Variants in ADAMTS9 observed in about 807,000 individuals in gnomAD.
The protein encoded by ADAMTS9 is ADAM metallopeptidase with thrombospondin type 1 motif 9.
A neutral mutation model predicts 257.1 loss-of-function variants in ADAMTS9; 107 were observed. The ratio of observed to expected loss-of-function variants is 0.42; its 90% CI spans 0.36 to 0.49. The LOEUF is 0.49. ADAMTS9 is among the 20% of genes least tolerant of loss of function. The probability of loss-of-function intolerance (pLI) is 0.03; values close to 1 mark genes in which losing one functional copy is unlikely to be tolerated. For missense variants in ADAMTS9, 2,353 were observed against 2,469.1 expected (o/e 0.95, Z 1.00); for synonymous variants, 982 against 880.9 (o/e 1.11, Z -2.03).
At chr3:64,676,725 A>T (rs1701633045) in intron 3 of ADAMTS9, among the ~76,000 whole-genome samples, 1 of 152,196 alleles carries the variant, frequency 6.6e-6, no homozygotes, top group Non-Finnish European at 1.5e-5. Flanking sequence ...TATAATAAAC[A>T]ACACTGTACT....
At chr3:64,646,464 A>G (rs1383706022) in intron 11 of ADAMTS9, among the ~76,000 whole-genome samples, 1 of 152,050 alleles carries the variant, frequency 6.6e-6, no homozygotes, top group African/African-American at 2.4e-5. Flanking sequence ...GCAAAGATTC[A>G]CTCTTTGGCC....
At chr3:64,680,893 G>C (rs182103233) in intron 3 of ADAMTS9, among the ~76,000 whole-genome samples, 1 of 152,084 alleles carries the variant, frequency 6.6e-6, no homozygotes. Flanking sequence ...ATTACTCAAG[G>C]TTAAGCCTAA....
intron 2 of ADAMTS9, among the ~76,000 whole-genome samples, chr3:64,681,727 A>G (rs1276259004): frequency 1.3e-5 from 2 of 152,100 alleles, no homozygotes; most frequent in African/African-American, 2.4e-5. Context: ...TACTTTTTGT[A>G]GAGATGGGGG....
At chr3:64,543,468 C>G (rs1157658093) in intron 32 of ADAMTS9, among the ~76,000 whole-genome samples, 2 of 152,166 alleles carry the variant, frequency 1.3e-5, no homozygotes, top group Non-Finnish European at 2.9e-5. Context: ...TCAACATATG[C>G]AAATCAATAA....
intron 28 of ADAMTS9, chr3:64,568,978 C>T (rs1303902958): frequency 6.2e-6 from 1 of 160,556 alleles, no homozygotes; most frequent in Non-Finnish European, 1.4e-5. Flanking sequence ...GAATAAAACT[C>T]TTGAACCATT....
At position 64,539,241 on chromosome 3, in the gene ADAMTS9, T is replaced by C. The variant is rs2083090536; in HGVS notation, c.5575A>G (p.Thr1859Ala). The C allele has an allele frequency of 6.2e-7, 1 of 1,613,906 alleles. No homozygotes were observed. The highest frequency in any genetic ancestry group is 1.7e-5 in the Admixed American group (1 of 59,996). Residue 1859 changes from threonine (T) to alanine (A), a missense_variant, in exon 37 of 40, where the codon ACA (threonine) becomes GCA (alanine). Coordinates refer to ENST00000498707, the MANE Select transcript of ADAMTS9 (RefSeq NM_182920.2). ...TSEGHPVPFA[T>A]AGDCYSAAKC... ...GCAGCGCTGTAGCAATCCCCGGCTG[T>C]GGCAAAAGGGACGGGATGTCCTTCG...
At position 64,596,908 on chromosome 3, in the gene ADAMTS9, C is replaced by A; in HGVS notation, c.4101G>T (p.Val1367=). ...TTTGCTCATCAGGTTTTATTCTCTC[C>A]ACACAGTCGTTTGCGGTGTATCCAT... The part of the protein sequence containing the change: ...DENGYTANDC[V]ERIKPDEQRA... The change falls in exon 27 of 40, where the codon GTG becomes GTT. Residue 1367 remains valine (V), a synonymous_variant. Transcript: ENST00000498707. 1.9e-6 allele frequency: 3 copies of A among 1,614,012 alleles called. No individual in the cohort carries two copies. The highest frequency in any genetic ancestry group is 2.5e-6 in the Non-Finnish European group (3 of 1,179,978).
intron 12 of ADAMTS9, among the ~76,000 whole-genome samples, chr3:64,638,765 T>C (rs1700563676): frequency 1.3e-5 from 2 of 152,152 alleles, no homozygotes; most frequent in South Asian, 2.1e-4. Flanking sequence ...AGGCTACTTA[T>C]CTTTTTTGGC....
At chr3:64,600,211 A>G (rs1180194102) in intron 26 of ADAMTS9, among the ~76,000 whole-genome samples, 1 of 152,104 alleles carries the variant, frequency 6.6e-6, no homozygotes, top group Non-Finnish European at 1.5e-5. Flanking sequence ...CTTTTCTGCC[A>G]TGGAAGGCAG....
chr3:64,674,435 G>A (rs1701575757), intron 3 of ADAMTS9, among the ~76,000 whole-genome samples: 1 of 152,202 alleles, frequency 6.6e-6, no homozygotes, highest in Non-Finnish European at 1.5e-5. Flanking sequence ...CTGTGGACAA[G>A]TTTGTTCACC....
At chr3:64,628,958 G>A (rs1164472942) in intron 16 of ADAMTS9, among the ~76,000 whole-genome samples, 1 of 152,174 alleles carries the variant, frequency 6.6e-6, no homozygotes, top group East Asian at 1.9e-4. Context: ...CTCAGTTGAT[G>A]ACAACTCCAT....
At chr3:64,670,950 A>C (rs561850130) in intron 3 of ADAMTS9, among the ~76,000 whole-genome samples, 1 of 152,230 alleles carries the variant, frequency 6.6e-6, no homozygotes, top group African/African-American at 2.4e-5. Flanking sequence ...GGAGCTACAA[A>C]ATGGCATAAC....
intron 23 of ADAMTS9, 83 bp downstream of exon 23, chr3:64,606,877 G>A (rs2084564733): frequency 1.3e-6 from 2 of 1,554,042 alleles, no homozygotes; most frequent in Admixed American, 1.8e-5. Flanking sequence ...TCTATGAAAG[G>A]ATTTCAATTT....
At chr3:64,621,535 G>T (rs1302175260) in intron 18 of ADAMTS9, among the ~76,000 whole-genome samples, 1 of 152,114 alleles carries the variant, frequency 6.6e-6, no homozygotes, top group Non-Finnish European at 1.5e-5. Flanking sequence ...GCTGAGGTGG[G>T]CGGATCATCT....
chr3:64,588,931 T>G (rs1443350433), intron 28 of ADAMTS9: 1 of 152,234 alleles, frequency 6.6e-6, no homozygotes, highest in East Asian at 1.9e-4. Context: ...TCGTATGTCA[T>G]AACACTTTGT....
At chr3:64,681,103 GTTGCACTT>G in intron 3 of ADAMTS9, 90 bp downstream of exon 3, 1 of 1,369,310 alleles carries the variant, frequency 7.3e-7, no homozygotes, top group South Asian at 1.5e-5. Flanking sequence ...AATGCATATG[GTTGCACTT>G]TGTAGACTGA....
At chr3:64,590,361 T>C (rs1238205461) in intron 28 of ADAMTS9, among the ~76,000 whole-genome samples, 2 of 152,216 alleles carry the variant, frequency 1.3e-5, no homozygotes, top group South Asian at 2.1e-4. Flanking sequence ...AAGAAACATA[T>C]ACATTCATTT....
chr3:64,525,036 G>A (rs7613947), intron 38 of ADAMTS9, among the ~76,000 whole-genome samples: 2,268 of 152,238 alleles, frequency 0.015, 46 homozygotes, highest in African/African-American at 0.052. Flanking sequence ...GTTATCTGCC[G>A]CAAAGCACCC....
intron 25 of ADAMTS9, among the ~76,000 whole-genome samples, chr3:64,602,655 C>A (rs1031122426): frequency 5.9e-5 from 9 of 152,178 alleles, no homozygotes; most frequent in Admixed American, 5.9e-4. Context: ...ATACCTACTG[C>A]ACCTTTTGCT....
Sources: gnomAD v4.1 joint callset for allele counts (sites outside exome capture counted in the v4.1 genomes callset) on GRCh38, gnomAD v4.1.1 for gene constraint, MANE v1.5 for transcripts, NCBI Gene and HGNC (gene_info 2026-07-23, HGNC 2026-07-21) for gene names.